SRFBP1: variants seen among roughly 807,000 people sequenced by gnomAD.
The protein encoded by SRFBP1 is serum response factor binding protein 1, also known as serum response factor-binding protein 1.
Under a neutral mutation model 45.5 loss-of-function variants are expected in SRFBP1, and 47 were observed. That is an observed-to-expected ratio of 1.03 (90% CI 0.82 to 1.32). The LOEUF is 1.32. Among genes scored for constraint, SRFBP1 ranks in the 40% most tolerant of loss-of-function variants. The pLI is 0.00. For synonymous variants in SRFBP1, 203 were observed against 166.3 expected, an observed-to-expected ratio of 1.22 and a Z score of -1.70; for missense variants, 621 against 484.6, an observed-to-expected ratio of 1.28 and a Z score of -2.64.
intron 2 of SRFBP1, among the ~76,000 whole-genome samples, chr5:122,061,198 C>T (rs1397855278): frequency 6.6e-6 from 1 of 151,046 alleles, no homozygotes; most frequent in East Asian, 2.0e-4. Flanking sequence ...GAAGACCCAA[C>T]ATTATTTGAT....
intron 2 of SRFBP1, chr5:122,065,408 G>A (rs1292090071): frequency 1.3e-5 from 2 of 152,078 alleles, no homozygotes; most frequent in Non-Finnish European, 2.9e-5. Context: ...ACTTAAAAGT[G>A]TAATTTCATT....
At chr5:122,009,558 G>A (rs908907956) in intron 4 of SRFBP1, among the ~76,000 whole-genome samples, 1 of 152,214 alleles carries the variant, frequency 6.6e-6, no homozygotes, top group Non-Finnish European at 1.5e-5. Flanking sequence ...CTCACAGGAA[G>A]TATTCCATTC....
intron 3 of SRFBP1, among the ~76,000 whole-genome samples, chr5:121,981,622 T>C (rs185590507): frequency 2.9e-4 from 43 of 149,240 alleles, no homozygotes; most frequent in Admixed American, 2.4e-3. Context: ...CCCCCTTGCC[T>C]ACATCAGAGT....
intron 3 of SRFBP1, among the ~76,000 whole-genome samples, chr5:121,977,731 T>C (rs1310356189): frequency 1.3e-5 from 2 of 152,154 alleles, no homozygotes; most frequent in Non-Finnish European, 2.9e-5. Flanking sequence ...TATTCTTGCT[T>C]TCTATAATAA....
In SRFBP1 at chr5:121,983,972, G is replaced by A. The variant is rs188564547; in HGVS notation, c.198+8585G>A. ...TTTTCATCAGTTGACCCCTGTCATC[G>A]TGCACAACTGTATTAACCTCATTTG... is the stretch of plus-strand genomic sequence containing the variant. On this transcript the variant is annotated intron_variant, in intron 3 of 7. Transcript: ENST00000339397. Among the ~76,000 whole-genome samples the A allele has an allele frequency of 1.9e-3, 284 of 151,754 alleles. 2 individuals carry two copies. The highest frequency in any genetic ancestry group is 7.7e-4 in the Non-Finnish European group (52 of 67,664).
intron 4 of SRFBP1, among the ~76,000 whole-genome samples, chr5:122,004,565 G>A (rs1447493580): frequency 1.3e-5 from 2 of 151,894 alleles, no homozygotes; most frequent in African/African-American, 4.8e-5. Flanking sequence ...TCTCATTTTT[G>A]TAGTCTAGCT....
intron 4 of SRFBP1, among the ~76,000 whole-genome samples, chr5:121,999,704 A>G (rs1334160122): frequency 2.0e-5 from 3 of 152,048 alleles, no homozygotes; most frequent in African/African-American, 7.2e-5. Flanking sequence ...CTTAACCCCG[A>G]TAATATTTAT....
chr5:121,973,451 G>A (rs906744536), intron 1 of SRFBP1, among the ~76,000 whole-genome samples: 10 of 151,746 alleles, frequency 6.6e-5, no homozygotes, highest in African/African-American at 1.5e-4. Flanking sequence ...TATAAACTCC[G>A]TAATTACATG....
At chr5:122,034,635 A>G (rs1206037870) in intron 2 of SRFBP1, among the ~76,000 whole-genome samples, 2 of 152,108 alleles carry the variant, frequency 1.3e-5, no homozygotes, top group Non-Finnish European at 1.5e-5. Context: ...GCATTATCAT[A>G]TAACCTATTA....
intron 2 of SRFBP1, among the ~76,000 whole-genome samples, chr5:122,057,772 G>A (rs1216104015): frequency 1.3e-5 from 2 of 152,084 alleles, no homozygotes; most frequent in African/African-American, 2.4e-5. Context: ...TGACATCAGA[G>A]GACTCAAGCA....
chr5:122,002,294 G>A (rs978127935), intron 4 of SRFBP1, among the ~76,000 whole-genome samples: 3 of 152,100 alleles, frequency 2.0e-5, no homozygotes, highest in South Asian at 4.1e-4. Flanking sequence ...ACATAGCAGG[G>A]TTTTGATCTG....
downstream of SRFBP1, among the ~76,000 whole-genome samples, chr5:122,033,198 G>A (rs115448095): frequency 7.6e-3 from 1,145 of 150,444 alleles, 5 homozygotes; most frequent in Non-Finnish European, 0.012. Flanking sequence ...TAATTTTTAA[G>A]GTTTATTTAT....
At chr5:121,989,166 C>T (rs894353216) in intron 3 of SRFBP1, among the ~76,000 whole-genome samples, 3 of 152,136 alleles carry the variant, frequency 2.0e-5, no homozygotes, top group African/African-American at 7.2e-5. Context: ...CAGGTTCAAG[C>T]GATTCTCCTA....
chr5:122,056,944 A>G (rs1175571069), intron 2 of SRFBP1, among the ~76,000 whole-genome samples: 2 of 152,218 alleles, frequency 1.3e-5, no homozygotes, highest in Admixed American at 1.3e-4. Flanking sequence ...GAAGAGGACA[A>G]TTGGGACCAG....
At chr5:122,041,742 T>A (rs1409799813) in intron 2 of SRFBP1, among the ~76,000 whole-genome samples, 1 of 152,176 alleles carries the variant, frequency 6.6e-6, no homozygotes, top group Non-Finnish European at 1.5e-5. Flanking sequence ...AGGTTCAGAA[T>A]TATATCATCT....
At chr5:122,004,146 C>T (rs958023956) in intron 4 of SRFBP1, among the ~76,000 whole-genome samples, 5 of 151,984 alleles carry the variant, frequency 3.3e-5, no homozygotes, top group Non-Finnish European at 5.9e-5. Flanking sequence ...CCACCATGCC[C>T]GGCTAATTTG....
intron 2 of SRFBP1, among the ~76,000 whole-genome samples, chr5:122,046,191 T>A (rs1323661285): frequency 1.3e-5 from 2 of 152,042 alleles, no homozygotes; most frequent in Non-Finnish European, 2.9e-5. Context: ...ATGCTATCCC[T>A]CCACCCCCCC....
At chr5:122,016,747 A>G (rs1753201031) in intron 4 of SRFBP1, among the ~76,000 whole-genome samples, 1 of 152,034 alleles carries the variant, frequency 6.6e-6, no homozygotes, top group Non-Finnish European at 1.5e-5. Context: ...TCTTTCCTCT[A>G]TTGTATCAGG....
chr5:121,965,149 C>T (rs973046945), intron 1 of SRFBP1, among the ~76,000 whole-genome samples: 4 of 152,148 alleles, frequency 2.6e-5, no homozygotes, highest in African/African-American at 7.2e-5. Context: ...TGCATGTTCA[C>T]TCTGATGATA....
Sources: allele counts gnomAD v4.1 joint callset (sites outside exome capture counted in the v4.1 genomes callset), GRCh38; gene constraint gnomAD v4.1.1; transcripts MANE v1.5; gene names NCBI Gene and HGNC (gene_info 2026-07-23, HGNC 2026-07-21).